The following BABAM2 variants were observed in gnomAD, a reference collection of about 807,000 sequenced individuals.
The protein encoded by BABAM2 is BRISC and BRCA1-A complex member 2.
In BABAM2, 31 loss-of-function variants were observed where a neutral mutation model predicts 54.7. The observed-to-expected ratio is 0.57, with a 90% CI of 0.43 to 0.77. The LOEUF (loss-of-function observed/expected upper bound fraction) is 0.77. BABAM2 is among the 30% of genes least tolerant of loss of function. The probability of loss-of-function intolerance (pLI) is 0.00; values close to 1 mark genes in which losing one functional copy is unlikely to be tolerated. For synonymous variants in BABAM2, 167 were observed against 162.9 expected, an observed-to-expected ratio of 1.03 and a Z score of -0.19; for missense variants, 364 against 455.8, an observed-to-expected ratio of 0.80 and a Z score of 1.83.
At chr2:28,263,949 CA>C (rs1251196392) in intron 10 of BABAM2, among the ~76,000 whole-genome samples, 17 of 152,164 alleles carry the variant, frequency 1.1e-4, no homozygotes, top group Non-Finnish European at 2.2e-4. Context: ...TGCATACAGG[CA>C]AGCCTAGTGA....
chr2:28,266,480 T>C (rs1164563308), intron 10 of BABAM2, among the ~76,000 whole-genome samples: 1 of 152,258 alleles, frequency 6.6e-6, no homozygotes, highest in Non-Finnish European at 1.5e-5. Flanking sequence ...AGTGGATTGA[T>C]AGTATCCTCT....
At chr2:27,970,966 C>T (rs942513406) in intron 3 of BABAM2, among the ~76,000 whole-genome samples, 10 of 152,032 alleles carry the variant, frequency 6.6e-5, no homozygotes, top group African/African-American at 2.4e-4. Context: ...ATTTGTCAAG[C>T]TTTTAAAATA....
At chr2:27,960,528 G>C (rs1382964828) in intron 3 of BABAM2, among the ~76,000 whole-genome samples, 1 of 151,938 alleles carries the variant, frequency 6.6e-6, no homozygotes, top group South Asian at 2.1e-4. Context: ...TGTCTGTGTC[G>C]AGCTGTGCCA....
intron 7 of BABAM2, among the ~76,000 whole-genome samples, chr2:28,195,772 T>C (rs2147935658): frequency 6.6e-6 from 1 of 152,344 alleles, no homozygotes; most frequent in East Asian, 1.9e-4. Context: ...GAGTGCCAAG[T>C]TGGACATAGC....
In BABAM2 at chr2:28,064,300, G is replaced by A. The variant is rs140278094; in HGVS notation, c.570+18501G>A. Among the ~76,000 whole-genome samples, 22 of 152,232 alleles carry A rather than the reference G, an allele frequency of 1.4e-4. No individual in the cohort carries two copies. The East Asian group carries it at 1.7e-3, about 12-fold the overall frequency. On this transcript the variant is annotated intron_variant, in intron 6 of 11. Coordinates refer to ENST00000379624, the MANE Select transcript of BABAM2 (RefSeq NM_199191.3). ...CTGCAGGCTATCTTGTAAAATGGTG[G>A]AGTAATCTAATCTTGTTTCATTTGA... is the stretch of plus-strand genomic sequence containing the variant.
At chr2:27,953,635 C>A (rs561823323) in intron 3 of BABAM2, among the ~76,000 whole-genome samples, 1 of 150,240 alleles carries the variant, frequency 6.7e-6, no homozygotes, top group Non-Finnish European at 1.5e-5. Flanking sequence ...TCATTACCAA[C>A]GATCTCACCA....
intron 3 of BABAM2, among the ~76,000 whole-genome samples, chr2:27,953,505 T>C (rs577893435): frequency 7.2e-5 from 11 of 152,124 alleles, no homozygotes; most frequent in African/African-American, 2.7e-4. Context: ...TTGCCCAGGC[T>C]GGTTTCGAAT....
chr2:28,019,903 A>G (rs962556315), intron 4 of BABAM2, among the ~76,000 whole-genome samples: 1 of 152,158 alleles, frequency 6.6e-6, no homozygotes. Flanking sequence ...ATGGCCTTAT[A>G]GTATAGTTTG....
At chr2:28,333,580 G>A (rs1691152258) in intron 11 of BABAM2, among the ~76,000 whole-genome samples, 1 of 152,230 alleles carries the variant, frequency 6.6e-6, no homozygotes, top group East Asian at 1.9e-4. Flanking sequence ...TCCTAACTGA[G>A]ACTCCTGGGT....
intron 3 of BABAM2, among the ~76,000 whole-genome samples, chr2:27,966,626 T>C (rs1287368666): frequency 6.6e-6 from 1 of 152,220 alleles, no homozygotes; most frequent in African/African-American, 2.4e-5. Context: ...GGCCAGTCTT[T>C]TCAGTCTTTG....
At chr2:27,972,836 G>A (rs1402043959) in intron 3 of BABAM2, among the ~76,000 whole-genome samples, 3 of 144,740 alleles carry the variant, frequency 2.1e-5, no homozygotes, top group African/African-American at 7.7e-5. Flanking sequence ...GCTCGATCTC[G>A]ACTCACTGTA....
chr2:27,946,676 G>A (rs1331534901), intron 3 of BABAM2, among the ~76,000 whole-genome samples: 5 of 151,894 alleles, frequency 3.3e-5, no homozygotes, highest in African/African-American at 1.2e-4. Flanking sequence ...GAGGAGAGAA[G>A]AGAGAGGAGA....
At chr2:27,974,965 TA>T in intron 3 of BABAM2, among the ~76,000 whole-genome samples, 1 of 152,046 alleles carries the variant, frequency 6.6e-6, no homozygotes, top group Admixed American at 6.6e-5. Context: ...AACAGAAAGT[TA>T]AAAAATAGTA....
intron 7 of BABAM2, among the ~76,000 whole-genome samples, chr2:28,225,901 A>ATTT (rs1680840948): frequency 6.6e-6 from 1 of 151,906 alleles, no homozygotes; most frequent in South Asian, 2.1e-4. Context: ...GTTTGCCTAT[A>ATTT]TTTCTTCCTG....
At chr2:28,218,341 C>G (rs994042690) in intron 7 of BABAM2, among the ~76,000 whole-genome samples, 120 of 152,156 alleles carry the variant, frequency 7.9e-4, no homozygotes, top group African/African-American at 2.8e-3. Flanking sequence ...ACTAATAACC[C>G]TGTTAGCTAT....
At chr2:28,062,960 GT>G (rs1679025355) in intron 6 of BABAM2, among the ~76,000 whole-genome samples, 1 of 152,198 alleles carries the variant, frequency 6.6e-6, no homozygotes, top group Non-Finnish European at 1.5e-5. Context: ...GATGTATGTT[GT>G]TTTGTCTGCC....
chr2:28,031,287 G>GT (rs1476217096), intron 5 of BABAM2, among the ~76,000 whole-genome samples: 2 of 152,190 alleles, frequency 1.3e-5, no homozygotes, highest in East Asian at 1.9e-4. Flanking sequence ...AGCCTCAGGT[G>GT]TTTCGTGGAA....
intron 6 of BABAM2, among the ~76,000 whole-genome samples, chr2:28,069,638 A>G (rs892140404): frequency 5.3e-5 from 8 of 152,186 alleles, no homozygotes; most frequent in African/African-American, 2.4e-5. Context: ...GAGTAAATGC[A>G]AGCAGTGGAT....
chr2:28,139,498 G>T (rs1670862278), intron 7 of BABAM2, among the ~76,000 whole-genome samples: 1 of 152,036 alleles, frequency 6.6e-6, no homozygotes, highest in Non-Finnish European at 1.5e-5. Flanking sequence ...GAACCTGGGA[G>T]ATGGAGGTTG....
Sources: gnomAD v4.1 joint callset for allele counts (sites outside exome capture counted in the v4.1 genomes callset) on GRCh38, gnomAD v4.1.1 for gene constraint, MANE v1.5 for transcripts, NCBI Gene and HGNC (gene_info 2026-07-23, HGNC 2026-07-21) for gene names.